The following RAB11FIP5 variants were observed in gnomAD, a reference collection of about 807,000 sequenced individuals.
RAB11FIP5 encodes RAB11 family interacting protein 5.
In RAB11FIP5, 48 loss-of-function variants were observed where a neutral mutation model predicts 85.1. That is an observed-to-expected ratio of 0.56 (90% confidence interval 0.45 to 0.72). RAB11FIP5 has a LOEUF of 0.72. RAB11FIP5 is among the 30% of genes least tolerant of loss of function. The probability of loss-of-function intolerance (pLI) is 0.00; values close to 1 mark genes in which losing one functional copy is unlikely to be tolerated. For synonymous variants in RAB11FIP5, 729 were observed against 727.3 expected, an observed-to-expected ratio of 1.00 and a Z score of -0.04; for missense variants, 1,491 against 1,687.0, an observed-to-expected ratio of 0.88 and a Z score of 2.04.
rs1683980291 is a variant in RAB11FIP5, at chr2:73,081,375, G to A, written c.1857C>T (p.Asn619=). ...FEELIADIAL[N]SPSPAPSLPS... Reference sequence around the variant, plus strand: ...GGAGAGAGGGAGCAGGTGAAGGAGAGTTTAGTGCTATGTCGGCTATGAGCT... The same window carrying A: ...GGAGAGAGGGAGCAGGTGAAGGAGAATTTAGTGCTATGTCGGCTATGAGCT... The change falls in exon 4 of 6, where the codon AAC becomes AAT. Residue 619 remains asparagine (N), a synonymous_variant. Transcript: ENST00000486777. This position sits in a 1 kb window ranked among gnomAD's most constrained non-coding sequence, Gnocchi z 4.2. 2 of 1,232,958 alleles carry A rather than the reference G, an allele frequency of 1.6e-6. No individual in the cohort carries two copies. Among genetic ancestry groups the A allele is most frequent in the Non-Finnish European group, 2.0e-6 (2 of 988,526 alleles). The allele number at this position is 1,232,958 out of a possible 1,614,324, so 76.4% of individuals were successfully genotyped here.
intron 1 of RAB11FIP5, among the ~76,000 whole-genome samples, chr2:73,108,675 C>A (rs956887675): frequency 1.3e-5 from 2 of 152,224 alleles, no homozygotes; most frequent in Non-Finnish European, 2.9e-5. Context: ...ACAAGGAAAA[C>A]TAACTAACCA....
chr2:73,089,498 C>A lies in RAB11FIP5; in HGVS notation c.432-183G>T, dbSNP rs943770115. On this transcript the variant is annotated intron_variant, in intron 1 of 5. Coordinates refer to ENST00000486777, the MANE Select transcript of RAB11FIP5 (RefSeq NM_001371272.1). The surrounding 1 kb of genome is among the most constrained non-coding windows in gnomAD (Gnocchi z 4.6). The stretch of plus-strand genomic sequence containing the variant: ...GCTTCAGATGCAGCTGAGAAACTAT[C>A]CAAAACATTTCCATGATGGAGAAAA... The A allele has an allele frequency of 1.4e-6, 1 of 712,066 alleles. No homozygotes were observed. The highest frequency in any genetic ancestry group is 1.5e-5 in the South Asian group (1 of 66,664). 44.1% of individuals were successfully genotyped at this position (712,066 alleles called of 1,614,324 possible).
chr2:73,088,261 C>T lies in RAB11FIP5; in HGVS notation c.1357G>A (p.Ala453Thr), dbSNP rs902633860. The T allele has an allele frequency of 6.2e-7, 1 of 1,613,932 alleles. No homozygotes were observed. The highest frequency in any genetic ancestry group is 1.7e-5 in the Admixed American group (1 of 60,030). Residue 453 changes from alanine to threonine, a missense_variant, in exon 3 of 6, where the codon GCC becomes ACC. Around this residue, in one of 3 missense-constraint regions of RAB11FIP5, gnomAD observed 1,211 missense variants for 1,338.0 expected, o/e 0.91. Coordinates refer to ENST00000486777, the MANE Select transcript of RAB11FIP5 (RefSeq NM_001371272.1). ...SSEAVAEKEG[A>T]RKEERKPRMG... ...CGGGGCTTGCGTTCCTCCTTCCGGG[C>T]TCCCTCCTTCTCTGCCACAGCCTCA...
At chr2:73,097,797 A>C (rs1473274061) in intron 1 of RAB11FIP5, among the ~76,000 whole-genome samples, 3 of 152,218 alleles carry the variant, frequency 2.0e-5, no homozygotes, top group African/African-American at 7.2e-5. Context: ...AACTGAACTA[A>C]GAATCTCACT....
chr2:73,098,246 G>T (rs1300936009), intron 1 of RAB11FIP5, among the ~76,000 whole-genome samples: 1 of 152,172 alleles, frequency 6.6e-6, no homozygotes, highest in Non-Finnish European at 1.5e-5. Context: ...TCTGAAATCT[G>T]AAATGCTCCA....
rs72344675 is a variant in RAB11FIP5 at position 73,081,095 on chromosome 2, TTCCTCCTCC to T, written c.2128_2136del (p.Gly710_Gly712del). On this transcript the variant is annotated inframe_deletion, in exon 4 of 6. Transcript: ENST00000486777. This position sits in a 1 kb window ranked among gnomAD's most constrained non-coding sequence, Gnocchi z 4.2. ...TCCAGCCACACGCTGCTCCCACCTC[TTCCTCCTCC>T]TCCTCCTCCTCCTCCTCCTCCTCCC... The T allele has an allele frequency of 1.7e-4, 209 of 1,227,060 alleles. No homozygotes were observed. The highest frequency in any genetic ancestry group is 1.3e-3 in the African/African-American group (83 of 63,304). 76.0% of individuals were successfully genotyped at this position (1,227,060 alleles called of 1,614,324 possible). A position where few individuals can be genotyped will look rare whatever the true frequency, so the allele number is the denominator to read the frequency against.
At chr2:73,112,284 C>T (rs1214377313) in intron 1 of RAB11FIP5, 63 bp downstream of exon 1, 2 of 1,414,142 alleles carry the variant, frequency 1.4e-6, no homozygotes, top group East Asian at 5.7e-5. Flanking sequence ...GGGTCCTGAT[C>T]CCCCACCAGC....
chr2:73,083,298 G>GCTAC (rs1309053012), intron 3 of RAB11FIP5, among the ~76,000 whole-genome samples: 39 of 152,294 alleles, frequency 2.6e-4, no homozygotes, highest in African/African-American at 9.1e-4. Context: ...CAGCTCGGCA[G>GCTAC]CTACCACCAG....
At position 73,112,456 on chromosome 2, in the gene RAB11FIP5, G is replaced by C; in HGVS notation, c.322C>G (p.Leu108Val). The part of the protein sequence containing the change: ...WAASSAAACE[L>V]VLTTMHRSLI... ...GAGCGGTGCATGGTGGTGAGCACCAGCTCGCAGGCGGCGGCGGAGCTCGCG... is the reference window on the plus strand; with the variant it reads ...GAGCGGTGCATGGTGGTGAGCACCACCTCGCAGGCGGCGGCGGAGCTCGCG... Residue 108 changes from leucine (L) to valine (V), a missense_variant, in exon 1 of 6, where the codon CTG (leucine) becomes GTG (valine). Coordinates refer to ENST00000486777, the MANE Select transcript of RAB11FIP5 (RefSeq NM_001371272.1). The C allele has an allele frequency of 6.6e-7, 1 of 1,511,714 alleles. No homozygotes were observed. Among genetic ancestry groups the C allele is most frequent in the Non-Finnish European group, 8.8e-7 (1 of 1,140,366 alleles). The allele number at this position is 1,511,714 out of a possible 1,614,324, so 93.6% of individuals were successfully genotyped here. A position where few individuals can be genotyped will look rare whatever the true frequency, so the allele number is the denominator to read the frequency against.
At position 73,105,797 on chromosome 2, in the gene RAB11FIP5, G is replaced by T. The variant is rs563723819; in HGVS notation, c.431+6550C>A. Among the ~76,000 whole-genome samples the T allele has an allele frequency of 2.0e-5, 3 of 152,152 alleles. No individual in the cohort carries two copies. In the South Asian group the frequency reaches 6.2e-4, roughly 32 times the overall value. On this transcript the variant is annotated intron_variant, in intron 1 of 5. Coordinates refer to ENST00000486777, the MANE Select transcript of RAB11FIP5 (RefSeq NM_001371272.1). ...AGCACCTGGCCCTGTGCAGAGCAGG[G>T]TCATGGAAGACATGGGGGAAGACTG...
chr2:73,110,438 A>G (rs901223482), intron 1 of RAB11FIP5, among the ~76,000 whole-genome samples: 5 of 151,542 alleles, frequency 3.3e-5, no homozygotes, highest in African/African-American at 1.2e-4. Context: ...AACTTCACAG[A>G]CTTTCCTCTG....
chr2:73,081,534 A>T lies in RAB11FIP5; in HGVS notation c.1698T>A (p.Phe566Leu). ...TGGCAGCAGCGGGGGAGGCGGCTGC[A>T]AAAAGGTTAGTGCTTAGCATGGGAG... is the stretch of plus-strand genomic sequence containing the variant. ...TAAPMLSTNL[F>L]AAASPAAATA... is the part of the protein sequence containing the mutation. The change falls in exon 4 of 6, where the codon TTT becomes TTA. Residue 566 changes from phenylalanine (F) to leucine (L), a missense_variant. Physicochemically the swap from Phe to Leu is conservative, Grantham distance 22. Transcript: ENST00000486777. The surrounding 1 kb of genome is among the most constrained non-coding windows in gnomAD (Gnocchi z 4.2). The T allele has an allele frequency of 8.2e-7, 1 of 1,222,216 alleles. No individual in the cohort carries two copies. The highest frequency in any genetic ancestry group is 1.0e-6 in the Non-Finnish European group (1 of 978,550). The allele number at this position is 1,222,216 out of a possible 1,614,324, so 75.7% of individuals were successfully genotyped here.
In RAB11FIP5 at chr2:73,081,328, G is replaced by T. The variant is rs952694551; in HGVS notation, c.1904C>A (p.Pro635His). Residue 635 changes from proline (P) to histidine (H), a missense_variant, in exon 4 of 6, where the codon CCC (proline) becomes CAC (histidine). This residue lies in a region of RAB11FIP5 where 1,211 missense variants were observed against 1,338.0 expected (regional missense o/e 0.91). Coordinates refer to ENST00000486777, the MANE Select transcript of RAB11FIP5 (RefSeq NM_001371272.1). This position sits in a 1 kb window ranked among gnomAD's most constrained non-coding sequence, Gnocchi z 4.2. ...TTTCCCAGGGGAGGCCAGGGGGGTG[G>T]GGCTGGCCCTCGAGGCACTGGGGAG... is the stretch of plus-strand genomic sequence containing the variant. ...PSLPSASRAS[P>H]TPLASPGKAL... The T allele has an allele frequency of 2.8e-5, 35 of 1,232,724 alleles. No homozygotes were observed. The highest frequency in any genetic ancestry group is 3.4e-5 in the Non-Finnish European group (34 of 988,506). 76.4% of individuals were successfully genotyped at this position (1,232,724 alleles called of 1,614,324 possible).
At chr2:73,100,921 A>C (rs556682062) in intron 1 of RAB11FIP5, among the ~76,000 whole-genome samples, 4 of 152,080 alleles carry the variant, frequency 2.6e-5, no homozygotes, top group Non-Finnish European at 5.9e-5. Flanking sequence ...CCAGTGACCA[A>C]ACAGTGAGAG....
chr2:73,108,989 G>T (rs1206344527), intron 1 of RAB11FIP5, among the ~76,000 whole-genome samples: 1 of 152,084 alleles, frequency 6.6e-6, no homozygotes, highest in East Asian at 1.9e-4. Context: ...GATTGCAAGT[G>T]AGCCCAGATT....
chr2:73,086,068 G>A lies in RAB11FIP5; in HGVS notation c.1568+1982C>T, dbSNP rs1471533528. 6.6e-6 allele frequency among the ~76,000 whole-genome samples: 1 copy of A among 152,146 alleles called. No homozygotes were observed. Among genetic ancestry groups the A allele is most frequent in the East Asian group, 1.9e-4 (1 of 5,178 alleles). On this transcript the variant is annotated intron_variant, in intron 3 of 5. Coordinates refer to ENST00000486777, the MANE Select transcript of RAB11FIP5 (RefSeq NM_001371272.1). The surrounding 1 kb of genome is among the most constrained non-coding windows in gnomAD (Gnocchi z 4.4). Reference sequence around the variant, plus strand: ...GCCAACAGTCCTTTCTTCCAGGCCAGCCTTCCCCTCCCTGCAAGGCACACA... The same window carrying A: ...GCCAACAGTCCTTTCTTCCAGGCCAACCTTCCCCTCCCTGCAAGGCACACA...
chr2:73,112,378 C>T lies in RAB11FIP5; in HGVS notation c.400G>A (p.Val134Ile). ...TGCTGGGCGCGGCCTGCGCCGAAGA[C>T]CTCGTCCAGCGCCACCGTGGCCTGG... is the stretch of plus-strand genomic sequence containing the variant. ...LGQATVALDEVFGAGRAQHTQ... is the reference protein window; with the variant it reads ...LGQATVALDEIFGAGRAQHTQ... The change falls in exon 1 of 6, where the codon GTC becomes ATC. Residue 134 changes from valine to isoleucine, a missense_variant. Physicochemically the swap from Val to Ile is conservative, Grantham distance 29. This residue lies in a region of RAB11FIP5 where 1,211 missense variants were observed against 1,338.0 expected (regional missense o/e 0.91). Transcript: ENST00000486777. 6.2e-7 allele frequency: 1 copy of T among 1,600,604 alleles called. No homozygotes were observed. Among genetic ancestry groups the T allele is most frequent in the Non-Finnish European group, 8.5e-7 (1 of 1,176,624 alleles).
intron 1 of RAB11FIP5, among the ~76,000 whole-genome samples, chr2:73,091,488 C>G (rs960376210): frequency 6.6e-6 from 1 of 152,082 alleles, no homozygotes; most frequent in Non-Finnish European, 1.5e-5. Flanking sequence ...CAGAGCTACC[C>G]AAGCCGCAGT....
Position 73,112,747 on chromosome 2 carries a change from C to T in RAB11FIP5, c.31G>A (p.Ala11Thr), listed in dbSNP as rs1370756569. Residue 11 changes from alanine to threonine, a missense_variant, in exon 1 of 6, where the codon GCG becomes ACG. By Grantham distance (58) the Ala-to-Thr change is moderately conservative. Transcript: ENST00000486777. Reference sequence around the variant, plus strand: ...GTGGGCAGCCAGCGGGAAGGCCCCGCCGCCGGCTCCGCGCCCCGCACCAGG... The same window carrying T: ...GTGGGCAGCCAGCGGGAAGGCCCCGTCGCCGGCTCCGCGCCCCGCACCAGG... Reference protein sequence around the residue: MALVRGAEPAAGPSRWLPTHV... With the variant: MALVRGAEPATGPSRWLPTHV... 6.8e-7 allele frequency: 1 copy of T among 1,477,788 alleles called. No homozygotes were observed. The allele number at this position is 1,477,788 out of a possible 1,614,324, so 91.5% of individuals were successfully genotyped here.
Sources: gnomAD v4.1 joint callset for allele counts (sites outside exome capture counted in the v4.1 genomes callset) on GRCh38, gnomAD v4.1.1 for gene constraint, gnomAD v4.1.1 regional missense constraint, Gnocchi (gnomAD v3.1) non-coding constraint, MANE v1.5 for transcripts, NCBI Gene and HGNC (gene_info 2026-07-23, HGNC 2026-07-21) for gene names.